Variants in RBM24 observed in about 807,000 individuals in gnomAD.
RBM24 encodes the protein RNA binding motif protein 24, also known as RNA-binding protein 24.
In RBM24, 5 loss-of-function variants were observed where a neutral mutation model predicts 23.6. That is an observed-to-expected ratio of 0.21 (90% CI 0.11 to 0.45). The LOEUF (loss-of-function observed/expected upper bound fraction) is 0.45, where lower values mean the gene tolerates loss of function less well. RBM24 is among the 20% of genes least tolerant of loss of function. The pLI is 0.99. For missense variants in RBM24, 252 were observed against 314.6 expected, an observed-to-expected ratio of 0.80 and a Z score of 1.51; for synonymous variants, 151 against 129.5, an observed-to-expected ratio of 1.17 and a Z score of -1.13.
intron 3 of RBM24, chr6:17,288,533 G>A: frequency 3.0e-6 from 3 of 985,442 alleles, no homozygotes; most frequent in Non-Finnish European, 3.6e-6. Flanking sequence ...AGGAGGCTAT[G>A]TTAAGACAAC....
At position 17,284,973 on chromosome 6, in the gene RBM24, T is replaced by C. The variant is rs145139326; in HGVS notation, c.347+262T>C. ...AAACAAAAATACCAGGTATGACTTG[T>C]GTACAAGACGATTGTGTCCCATCAC... is the stretch of plus-strand genomic sequence containing the variant. On this transcript the variant is annotated intron_variant, in intron 3 of 3. Transcript: ENST00000379052. 1.8e-4 allele frequency: 60 copies of C among 332,590 alleles called. 1 individual carries two copies. In the East Asian group the frequency reaches 3.0e-3, roughly 16 times the overall value. 20.6% of individuals were successfully genotyped at this position (332,590 alleles called of 1,614,324 possible).
chr6:17,289,226 C>G (rs759047586), intron 3 of RBM24: 34 of 985,426 alleles, frequency 3.5e-5, no homozygotes, highest in Non-Finnish European at 4.1e-5. Flanking sequence ...AAAAAGAACT[C>G]CTAATTCAGG....
At chr6:17,288,986 C>T (rs1369351368) in intron 3 of RBM24, 30 of 985,224 alleles carry the variant, frequency 3.0e-5, no homozygotes, top group Non-Finnish European at 3.4e-5. Context: ...GCTTCAAAAC[C>T]AGTTAGGATG....
Position 17,292,030 on chromosome 6 carries a change from ACAGCTGCCGCCGCCGCTGCAG to A in RBM24, c.630_650del (p.Ala215_Ala221del), listed in dbSNP as rs748888849. 4.6e-5 allele frequency: 74 copies of A among 1,599,624 alleles called. No individual in the cohort carries two copies. Among genetic ancestry groups the A allele is most frequent in the Middle Eastern group, 1.7e-4 (1 of 6,050 alleles). ...GCCAATCACCGCAGCGGCACCTGGG[ACAGCTGCCGCCGCCGCTGCAG>A]CAGCTGCTGCCGCTGCAGCATTTGG... On this transcript the variant is annotated inframe_deletion, in exon 4 of 4. Coordinates refer to ENST00000379052, the MANE Select transcript of RBM24 (RefSeq NM_001143942.2).
At chr6:17,290,995 ATGTT>A (rs1760340032) in intron 3 of RBM24, 1 of 687,364 alleles carries the variant, frequency 1.5e-6, no homozygotes, top group African/African-American at 1.8e-5. Flanking sequence ...ACTGCCATGA[ATGTT>A]AATAGCATTT....
At chr6:17,288,421 C>G in intron 3 of RBM24, 2 of 984,624 alleles carry the variant, frequency 2.0e-6, no homozygotes, top group Non-Finnish European at 2.4e-6. Flanking sequence ...TTATTGAGTG[C>G]CTACTATATT....
At chr6:17,285,355 G>A (rs1244916585) in intron 3 of RBM24, among the ~76,000 whole-genome samples, 2 of 151,718 alleles carry the variant, frequency 1.3e-5, no homozygotes, top group African/African-American at 2.4e-5. Flanking sequence ...GGCTCTTTGC[G>A]TTTTGATTTT....
chr6:17,281,959 C>A lies in RBM24; in HGVS notation c.168+210C>A, dbSNP rs554570603. 3.6e-4 allele frequency: 489 copies of A among 1,359,396 alleles called. 2 individuals carry two copies. The highest frequency in any genetic ancestry group is 2.4e-3 in the Middle Eastern group (9 of 3,692). The allele number at this position is 1,359,396 out of a possible 1,614,324, so 84.2% of individuals were successfully genotyped here. A position where few individuals can be genotyped will look rare whatever the true frequency, so the allele number is the denominator to read the frequency against. Reference sequence around the variant, plus strand: ...GGTTCGGAGAAGACCCAGCGCTGTGCGAGGTCGGGGGCCGGGCAGGGCAGA... The same window carrying A: ...GGTTCGGAGAAGACCCAGCGCTGTGAGAGGTCGGGGGCCGGGCAGGGCAGA... On this transcript the variant is annotated intron_variant, in intron 1 of 3. Coordinates refer to ENST00000379052, the MANE Select transcript of RBM24 (RefSeq NM_001143942.2). This position sits in a 1 kb window ranked among gnomAD's most constrained non-coding sequence, Gnocchi z 7.1.
At chr6:17,283,687 G>T (rs1309744870) in intron 2 of RBM24, among the ~76,000 whole-genome samples, 1 of 152,194 alleles carries the variant, frequency 6.6e-6, no homozygotes, top group Non-Finnish European at 1.5e-5. Flanking sequence ...AAAGTGCTGG[G>T]ATTACAGGCG....
intron 3 of RBM24, among the ~76,000 whole-genome samples, chr6:17,287,777 C>G (rs977178418): frequency 6.6e-6 from 1 of 151,690 alleles, no homozygotes; most frequent in Non-Finnish European, 1.5e-5. Context: ...CCACTGCACT[C>G]CAGCCTGGGC....
intron 3 of RBM24, chr6:17,290,711 T>C: frequency 2.3e-6 from 1 of 440,804 alleles, no homozygotes; most frequent in Non-Finnish European, 4.2e-6. Flanking sequence ...AGTTAGTAGA[T>C]GTGCAAAAAA....
In RBM24 at chr6:17,282,923, A is replaced by G; in HGVS notation, c.287A>G (p.Gln96Arg). 1 of 1,613,554 alleles carries G rather than the reference A, an allele frequency of 6.2e-7. No individual in the cohort carries two copies. The highest frequency in any genetic ancestry group is 8.5e-7 in the Non-Finnish European group (1 of 1,179,576). The change falls in exon 2 of 4, where the codon CAA becomes CGA. Residue 96 changes from glutamine (Q) to arginine (R), a missense_variant. By Grantham distance (43) the Gln-to-Arg change is conservative. Coordinates refer to ENST00000379052, the MANE Select transcript of RBM24 (RefSeq NM_001143942.2). ...AYLGAKPRIM[Q>R]PGFAFGVQQL... is the part of the protein sequence containing the mutation. ...TTAGGAGCAAAACCAAGGATCATGCAACCAGGTGAGAAATGTCTGTCTCCC... is the reference window on the plus strand; with the variant it reads ...TTAGGAGCAAAACCAAGGATCATGCGACCAGGTGAGAAATGTCTGTCTCCC...
At chr6:17,284,108 T>C (rs537163362) in intron 2 of RBM24, among the ~76,000 whole-genome samples, 1 of 152,164 alleles carries the variant, frequency 6.6e-6, no homozygotes, top group Non-Finnish European at 1.5e-5. Context: ...AAAAGGAAAC[T>C]AGGTTGTCAA....
Position 17,291,866 on chromosome 6 carries a change from C to G in RBM24, c.458C>G (p.Thr153Ser). Residue 153 changes from threonine (T) to serine (S), a missense_variant, in exon 4 of 4, where the codon ACT (threonine) becomes AGT (serine). Thr to Ser is a moderately conservative substitution (Grantham distance 58, BLOSUM62 1). Transcript: ENST00000379052. ...AASTTPYIDY[T>S]GAAYAQYSAA... ...TCCACCACCCCTTACATTGATTACACTGGAGCTGCATACGCACAATACTCA... is the reference window on the plus strand; with the variant it reads ...TCCACCACCCCTTACATTGATTACAGTGGAGCTGCATACGCACAATACTCA... The G allele has an allele frequency of 6.2e-7, 1 of 1,614,124 alleles. No individual in the cohort carries two copies. Among genetic ancestry groups the G allele is most frequent in the Non-Finnish European group, 8.5e-7 (1 of 1,180,024 alleles).
chr6:17,285,495 G>A (rs935157808), intron 3 of RBM24, among the ~76,000 whole-genome samples: 1 of 151,844 alleles, frequency 6.6e-6, no homozygotes, highest in African/African-American at 2.4e-5. Flanking sequence ...GTGCTAAATT[G>A]TGTGATTTCT....
intron 3 of RBM24, among the ~76,000 whole-genome samples, chr6:17,290,330 T>C (rs1760321613): frequency 6.6e-6 from 1 of 152,218 alleles, no homozygotes; most frequent in Non-Finnish European, 1.5e-5. Context: ...TGTTTTTAGA[T>C]ATAAATATAG....
At chr6:17,290,288 T>C (rs1189569220) in intron 3 of RBM24, among the ~76,000 whole-genome samples, 1 of 152,224 alleles carries the variant, frequency 6.6e-6, no homozygotes, top group African/African-American at 2.4e-5. Context: ...ACAAGTTGGC[T>C]TTGCCAGCAA....
intron 1 of RBM24, chr6:17,282,517 G>C (rs902612001): frequency 2.2e-5 from 11 of 503,940 alleles, no homozygotes; most frequent in Non-Finnish European, 3.2e-5. Context: ...TCCAAATCTC[G>C]GCTAGGCCCT....
In RBM24 at chr6:17,283,360, G is replaced by A. The variant is rs189000198; in HGVS notation, c.292+432G>A. 8.3e-4 allele frequency among the ~76,000 whole-genome samples: 126 copies of A among 152,254 alleles called. 1 individual carries two copies. The highest frequency in any genetic ancestry group is 2.8e-3 in the African/African-American group (117 of 41,570). On this transcript the variant is annotated intron_variant, in intron 2 of 3. Coordinates refer to ENST00000379052, the MANE Select transcript of RBM24 (RefSeq NM_001143942.2). ...GCACTGTGCTCAGAGCAGGCAGTCT[G>A]ACTTGAACACAGACCCAAGGGAAGC...
Sources: allele counts gnomAD v4.1 joint callset (sites outside exome capture counted in the v4.1 genomes callset), GRCh38; gene constraint gnomAD v4.1.1; non-coding constraint Gnocchi (gnomAD v3.1); transcripts MANE v1.5; gene names NCBI Gene and HGNC (gene_info 2026-07-23, HGNC 2026-07-21).